Variants in ZNF407 observed in about 807,000 individuals in gnomAD.
The protein encoded by ZNF407 is zinc finger protein 407.
In ZNF407, 17 loss-of-function variants were observed where a neutral mutation model predicts 131.2. The observed-to-expected ratio is 0.13, with a 90% confidence interval of 0.09 to 0.19. ZNF407 has a LOEUF of 0.19. Among genes scored for constraint, ZNF407 ranks in the 10% least tolerant of loss-of-function variants. The pLI is 1.00. For missense variants in ZNF407, 2,681 were observed against 2,830.6 expected, an observed-to-expected ratio of 0.95 and a Z score of 1.20; for synonymous variants, 1,156 against 1,062.0, an observed-to-expected ratio of 1.09 and a Z score of -1.72.
At chr18:74,786,438 A>AT (rs1377707274) in intron 4 of ZNF407, among the ~76,000 whole-genome samples, 4 of 145,822 alleles carry the variant, frequency 2.7e-5, no homozygotes, top group South Asian at 4.4e-4. Context: ...CTTATTTCTT[A>AT]TTTTTTTTCC....
intron 1 of ZNF407, among the ~76,000 whole-genome samples, chr18:74,626,557 C>T (rs1199243648): frequency 1.3e-5 from 2 of 152,178 alleles, no homozygotes; most frequent in African/African-American, 2.4e-5. Context: ...ACTACAGTTC[C>T]GTTCATTTGG....
At chr18:74,752,488 T>C (rs1968830038) in intron 3 of ZNF407, among the ~76,000 whole-genome samples, 1 of 152,236 alleles carries the variant, frequency 6.6e-6, no homozygotes, top group Non-Finnish European at 1.5e-5. Flanking sequence ...GGTTTTCTTC[T>C]AGGGTTTTTA....
chr18:75,041,409 A>T (rs72965957), intron 8 of ZNF407, among the ~76,000 whole-genome samples: 2,455 of 152,272 alleles, frequency 0.016, 30 homozygotes, highest in Non-Finnish European at 0.023. Context: ...TTGTCCACAC[A>T]CATGCACTTT....
intron 4 of ZNF407, among the ~76,000 whole-genome samples, chr18:74,787,015 C>T (rs1969731960): frequency 6.6e-6 from 1 of 151,658 alleles, no homozygotes. Context: ...TCATGTTGGC[C>T]AGGCTGGTCT....
chr18:74,696,319 A>G (rs972974450), intron 3 of ZNF407, among the ~76,000 whole-genome samples: 16 of 152,214 alleles, frequency 1.1e-4, no homozygotes, highest in Admixed American at 1.0e-3. Context: ...TTATGTGATC[A>G]TATAAAGTCA....
In ZNF407 at chr18:74,801,276, T is replaced by A. The variant is rs17055635; in HGVS notation, c.4877+19774T>A. ...TGTCACATTCCTTTGTCAAGGTATA[T>A]GAGATTAATTTTATAAATCAGTATA... On this transcript the variant is annotated intron_variant, in intron 4 of 8. Transcript: ENST00000299687. Among the ~76,000 whole-genome samples, 494 of 152,330 alleles carry A rather than the reference T, an allele frequency of 3.2e-3. 2 individuals are homozygous for A. Among genetic ancestry groups the A allele is most frequent in the African/African-American group, 0.011 (454 of 41,582 alleles).
intron 3 of ZNF407, among the ~76,000 whole-genome samples, chr18:74,759,833 G>A (rs931523480): frequency 2.1e-5 from 3 of 140,764 alleles, no homozygotes; most frequent in South Asian, 2.2e-4. Flanking sequence ...TTTTTATGAT[G>A]CTAGTTGAGT....
At chr18:74,803,321 A>AC (rs1970053441) in intron 4 of ZNF407, among the ~76,000 whole-genome samples, 1 of 152,064 alleles carries the variant, frequency 6.6e-6, no homozygotes, top group Admixed American at 6.5e-5. Context: ...TAATGGGGAT[A>AC]CCCCGTTGGT....
At chr18:75,047,438 G>A (rs1028432340) in intron 8 of ZNF407, among the ~76,000 whole-genome samples, 3 of 152,200 alleles carry the variant, frequency 2.0e-5, no homozygotes, top group Non-Finnish European at 2.9e-5. Context: ...GCGGCCTCAC[G>A]TTGAAGGTGA....
rs186919414 is a variant in ZNF407, at chr18:74,881,834, C to T, written c.5128+715C>T. On this transcript the variant is annotated intron_variant, in intron 6 of 8. Transcript: ENST00000299687. ...TTCACACTGCTGATAAACACATACC[C>T]GAGACTGGGCAATTTACAAAAGAAA... 4.6e-5 allele frequency among the ~76,000 whole-genome samples: 7 copies of T among 152,196 alleles called. No homozygotes were observed. The East Asian group carries it at 5.8e-4, about 13-fold the overall frequency.
At chr18:74,933,447 G>C (rs1264826695) in intron 8 of ZNF407, among the ~76,000 whole-genome samples, 4 of 152,126 alleles carry the variant, frequency 2.6e-5, no homozygotes, top group African/African-American at 9.7e-5. Context: ...CAAAGTTAAG[G>C]TGTTGTAAGA....
At chr18:74,772,045 G>A (rs1292731858) in intron 3 of ZNF407, among the ~76,000 whole-genome samples, 1 of 152,140 alleles carries the variant, frequency 6.6e-6, no homozygotes, top group Non-Finnish European at 1.5e-5. Flanking sequence ...GTATGGAGTG[G>A]TGGAGAGACT....
chr18:75,000,879 T>C (rs937730969), intron 8 of ZNF407, among the ~76,000 whole-genome samples: 4 of 152,226 alleles, frequency 2.6e-5, no homozygotes, highest in Admixed American at 1.3e-4. Flanking sequence ...AGAATGATTA[T>C]AATAATCAGA....
chr18:74,758,668 G>A (rs1969021127), intron 3 of ZNF407, among the ~76,000 whole-genome samples: 1 of 152,090 alleles, frequency 6.6e-6, no homozygotes, highest in South Asian at 2.1e-4. Flanking sequence ...TCGGCTCACT[G>A]GAACCTCTGT....
chr18:75,062,532 A>G (rs1234977766), intron 8 of ZNF407: 1 of 146,908 alleles, frequency 6.8e-6, no homozygotes, highest in Non-Finnish European at 1.5e-5. Flanking sequence ...CTGCCAGGAC[A>G]CGGCGACTCA....
chr18:74,848,248 C>A (rs187716978), intron 4 of ZNF407, among the ~76,000 whole-genome samples: 1 of 152,016 alleles, frequency 6.6e-6, no homozygotes, highest in East Asian at 1.9e-4. Flanking sequence ...TTGCTTGTTG[C>A]GCCACATTTC....
intron 1 of ZNF407, among the ~76,000 whole-genome samples, chr18:74,627,494 C>G (rs1176918943): frequency 6.6e-6 from 1 of 152,182 alleles, no homozygotes; most frequent in African/African-American, 2.4e-5. Context: ...GTCCCCCTCC[C>G]CTGCTCTTCT....
chr18:75,058,375 C>T lies in ZNF407; in HGVS notation c.5429-4775C>T, dbSNP rs1476322180. Among the ~76,000 whole-genome samples the T allele has an allele frequency of 5.3e-5, 8 of 152,274 alleles. No homozygotes were observed. In the East Asian group the frequency reaches 9.6e-4, roughly 18 times the overall value. On this transcript the variant is annotated intron_variant, in intron 8 of 8. Transcript: ENST00000299687. ...AGGGAGTAAAATATCTTTGTGCTCACGAACGCAAACGGGCAGAAAGTGAGG... is the reference window on the plus strand; with the variant it reads ...AGGGAGTAAAATATCTTTGTGCTCATGAACGCAAACGGGCAGAAAGTGAGG...
Position 74,866,178 on chromosome 18 carries a change from T to C in ZNF407, c.4878-11019T>C, listed in dbSNP as rs1226029675. On this transcript the variant is annotated intron_variant, in intron 4 of 8. Transcript: ENST00000299687. Reference sequence around the variant, plus strand: ...TCTATGTCGGGTTCTACTGTGTCTATGTTGAATTGGTCTACTGCACTAAAA... The same window carrying C: ...TCTATGTCGGGTTCTACTGTGTCTACGTTGAATTGGTCTACTGCACTAAAA... Among the ~76,000 whole-genome samples the C allele has an allele frequency of 5.3e-5, 8 of 152,214 alleles. No homozygotes were observed. The East Asian group carries it at 1.3e-3, about 26-fold the overall frequency.
Sources: gnomAD v4.1 joint callset for allele counts (sites outside exome capture counted in the v4.1 genomes callset) on GRCh38, gnomAD v4.1.1 for gene constraint, MANE v1.5 for transcripts, NCBI Gene and HGNC (gene_info 2026-07-23, HGNC 2026-07-21) for gene names.